Variants in ADAMTSL1 observed in about 807,000 individuals in gnomAD.
The protein encoded by ADAMTSL1 is ADAMTS like 1, also known as ADAMTS-like protein 1.
A neutral mutation model predicts 201.8 loss-of-function variants in ADAMTSL1; 126 were observed. That is an observed-to-expected ratio of 0.62 (90% CI 0.54 to 0.72). The LOEUF is 0.72. ADAMTSL1 is among the 30% of genes least tolerant of loss of function. The probability of loss-of-function intolerance (pLI) is 0.00; values close to 1 mark genes in which losing one functional copy is unlikely to be tolerated. For missense variants in ADAMTSL1, 2,679 were observed against 2,277.8 expected, an observed-to-expected ratio of 1.18 and a Z score of -3.59; for synonymous variants, 1,121 against 903.4, an observed-to-expected ratio of 1.24 and a Z score of -4.32.
At chr9:18,137,844 A>T (rs1826224348) in intron 1 of ADAMTSL1, among the ~76,000 whole-genome samples, 1 of 152,166 alleles carries the variant, frequency 6.6e-6, no homozygotes, top group African/African-American at 2.4e-5. Context: ...CAGAGCAGTA[A>T]CTTTTTCCAA....
chr9:18,062,392 C>G (rs111498918), intron 1 of ADAMTSL1, among the ~76,000 whole-genome samples: 1 of 152,010 alleles, frequency 6.6e-6, no homozygotes, highest in African/African-American at 2.4e-5. Flanking sequence ...AATGCTGTTG[C>G]TAATGTAACT....
At chr9:18,653,603 C>T (rs1564121798) in intron 7 of ADAMTSL1, among the ~76,000 whole-genome samples, 1 of 132,632 alleles carries the variant, frequency 7.5e-6, no homozygotes, top group South Asian at 2.6e-4. Flanking sequence ...TAGTGAGACC[C>T]CATTTCTATG....
intron 14 of ADAMTSL1, among the ~76,000 whole-genome samples, chr9:18,715,202 A>G (rs13286696): frequency 1.3e-5 from 2 of 148,888 alleles, no homozygotes; most frequent in African/African-American, 4.9e-5. Context: ...CTCTCTCACC[A>G]CTCCTATTCA....
At chr9:18,171,551 A>T (rs1343526814) in intron 2 of ADAMTSL1, among the ~76,000 whole-genome samples, 4 of 152,084 alleles carry the variant, frequency 2.6e-5, no homozygotes, top group Non-Finnish European at 5.9e-5. Flanking sequence ...TATGTAATAT[A>T]TGAAGAACTC....
At chr9:18,309,960 A>C (rs1460557653) in intron 2 of ADAMTSL1, among the ~76,000 whole-genome samples, 2 of 152,166 alleles carry the variant, frequency 1.3e-5, no homozygotes, top group Non-Finnish European at 2.9e-5. Context: ...ACAGTAACCA[A>C]ACAGCATATT....
At chr9:18,868,192 T>C (rs920762381) in intron 23 of ADAMTSL1, among the ~76,000 whole-genome samples, 3 of 152,220 alleles carry the variant, frequency 2.0e-5, no homozygotes, top group Admixed American at 6.5e-5. Context: ...ACTTCCACTT[T>C]CTTCCTCAGT....
chr9:18,228,595 A>G (rs1830518311), intron 2 of ADAMTSL1, among the ~76,000 whole-genome samples: 1 of 151,850 alleles, frequency 6.6e-6, no homozygotes. Flanking sequence ...AATTTTTAAA[A>G]TTTTTATAGA....
intron 9 of ADAMTSL1, among the ~76,000 whole-genome samples, chr9:18,669,580 C>T (rs1332485734): frequency 2.6e-5 from 4 of 152,076 alleles, no homozygotes; most frequent in East Asian, 1.9e-4. Flanking sequence ...GAATATTTTC[C>T]GATTTATGGG....
At chr9:18,332,092 T>C (rs1195917652) in intron 2 of ADAMTSL1, among the ~76,000 whole-genome samples, 1 of 152,142 alleles carries the variant, frequency 6.6e-6, no homozygotes, top group Non-Finnish European at 1.5e-5. Flanking sequence ...GCAGCTGTAG[T>C]AAATTCAGGA....
intron 2 of ADAMTSL1, among the ~76,000 whole-genome samples, chr9:18,211,341 C>A (rs1016482715): frequency 6.6e-6 from 1 of 152,134 alleles, no homozygotes; most frequent in Admixed American, 6.5e-5. Context: ...TTCCCTATTC[C>A]ATTTCATTCT....
chr9:18,030,482 C>T (rs1347954736), intron 1 of ADAMTSL1, among the ~76,000 whole-genome samples: 2 of 151,966 alleles, frequency 1.3e-5, no homozygotes, highest in African/African-American at 4.8e-5. Context: ...AGCACACCAG[C>T]ATGGCACATG....
chr9:18,575,883 C>A (rs912335079), intron 4 of ADAMTSL1, among the ~76,000 whole-genome samples: 8 of 152,156 alleles, frequency 5.3e-5, no homozygotes, highest in Non-Finnish European at 8.8e-5. Flanking sequence ...GACAGCTCAG[C>A]AAATTAGGTT....
At chr9:18,276,838 C>G (rs1832607041) in intron 2 of ADAMTSL1, among the ~76,000 whole-genome samples, 1 of 152,152 alleles carries the variant, frequency 6.6e-6, no homozygotes, top group Non-Finnish European at 1.5e-5. Flanking sequence ...AAGACCCACC[C>G]CCAGGACCCA....
intron 7 of ADAMTSL1, among the ~76,000 whole-genome samples, chr9:18,643,601 C>T (rs982499888): frequency 2.6e-5 from 4 of 152,034 alleles, no homozygotes; most frequent in African/African-American, 4.8e-5. Context: ...GTGTGAGATA[C>T]GGGTCTGATT....
intron 21 of ADAMTSL1, among the ~76,000 whole-genome samples, chr9:18,822,156 C>A (rs926239806): frequency 3.9e-5 from 6 of 152,144 alleles, no homozygotes; most frequent in African/African-American, 1.4e-4. Flanking sequence ...AGCTGGTCCA[C>A]AACAACATAG....
At chr9:18,032,359 G>A (rs1162763742) in intron 1 of ADAMTSL1, among the ~76,000 whole-genome samples, 5 of 152,164 alleles carry the variant, frequency 3.3e-5, no homozygotes, top group Non-Finnish European at 7.4e-5. Flanking sequence ...CCACAGCTTT[G>A]TCCTCTGGAC....
At chr9:18,258,180 C>A (rs1213719839) in intron 2 of ADAMTSL1, among the ~76,000 whole-genome samples, 1 of 152,096 alleles carries the variant, frequency 6.6e-6, no homozygotes, top group Non-Finnish European at 1.5e-5. Context: ...CTAAATTGTA[C>A]ACTTAAAAAT....
At chr9:18,538,039 A>G (rs116760969) in intron 3 of ADAMTSL1, among the ~76,000 whole-genome samples, 278 of 152,212 alleles carry the variant, frequency 1.8e-3, no homozygotes, top group African/African-American at 6.4e-3. Flanking sequence ...GCTCCTGGAT[A>G]ATTTTAAGCA....
rs369321256 is a variant in ADAMTSL1 at position 18,481,925 on chromosome 9, A to G, written c.63+7630A>G. ...TCATCTGCCCCACTATCACTGGGGAACCTGCTGCCAGATTACAATCTGTAC... is the reference window on the plus strand; with the variant it reads ...TCATCTGCCCCACTATCACTGGGGAGCCTGCTGCCAGATTACAATCTGTAC... On this transcript the variant is annotated intron_variant, in intron 1 of 28. Transcript: ENST00000380548. 7.2e-5 allele frequency among the ~76,000 whole-genome samples: 11 copies of G among 152,290 alleles called. No individual in the cohort carries two copies. The East Asian group carries it at 1.5e-3, about 21-fold the overall frequency.
Sources: allele counts gnomAD v4.1 joint callset (sites outside exome capture counted in the v4.1 genomes callset), GRCh38; gene constraint gnomAD v4.1.1; transcripts MANE v1.5; gene names NCBI Gene and HGNC (gene_info 2026-07-23, HGNC 2026-07-21).